The following LAP3 variants were observed in gnomAD, a reference collection of about 807,000 sequenced individuals.
LAP3 encodes leucine aminopeptidase 3.
LAP3 carries 46 observed loss-of-function variants against 58.8 expected under a neutral mutation model. The ratio of observed to expected loss-of-function variants is 0.78; its 90% CI spans 0.62 to 1.00. LAP3 has a LOEUF of 1.00. LAP3 is among the 50% of genes least tolerant of loss of function. LAP3 has a pLI of 0.00. For missense variants in LAP3, 615 were observed against 659.1 expected (o/e 0.93, Z 0.73); for synonymous variants, 257 against 237.7 (o/e 1.08, Z -0.75).
chr4:17,581,021 C>A (rs1713348444), intron 2 of LAP3, among the ~76,000 whole-genome samples: 1 of 152,194 alleles, frequency 6.6e-6, no homozygotes, highest in African/African-American at 2.4e-5. Context: ...TTGATTAATT[C>A]ATTAATCCAA....
At chr4:17,604,096 A>G (rs1244441395) in intron 10 of LAP3, among the ~76,000 whole-genome samples, 3 of 152,062 alleles carry the variant, frequency 2.0e-5, no homozygotes, top group African/African-American at 7.2e-5. Flanking sequence ...GTGAGCCAGC[A>G]TGCCCGGCCC....
chr4:17,586,338 G>A (rs867203676), intron 6 of LAP3: 40 of 152,200 alleles, frequency 2.6e-4, no homozygotes, highest in African/African-American at 8.2e-4. Context: ...ATTAGAGTTC[G>A]TGTTTTTCAG....
chr4:17,588,715 A>C, intron 6 of LAP3, 104 bp from the exon 7 acceptor site: 1 of 1,086,854 alleles, frequency 9.2e-7, no homozygotes, highest in East Asian at 2.4e-5. Flanking sequence ...GTATACTTTA[A>C]GAGTTTGTAT....
intron 10 of LAP3, among the ~76,000 whole-genome samples, chr4:17,602,434 T>G (rs1021044104): frequency 6.6e-6 from 1 of 152,194 alleles, no homozygotes; most frequent in Non-Finnish European, 1.5e-5. Flanking sequence ...GATTTTTAAG[T>G]TGATTTTTTA....
chr4:17,578,823 T>C (rs1713279063), intron 1 of LAP3, among the ~76,000 whole-genome samples: 1 of 152,172 alleles, frequency 6.6e-6, no homozygotes, highest in Admixed American at 6.5e-5. Flanking sequence ...TTGGTACTTC[T>C]CTTACAGCCT....
intron 1 of LAP3, among the ~76,000 whole-genome samples, chr4:17,579,206 A>T (rs535112431): frequency 3.1e-4 from 47 of 152,204 alleles, no homozygotes; most frequent in Non-Finnish European, 6.0e-4. Flanking sequence ...AATAATGACT[A>T]GGAAATCATA....
At chr4:17,582,055 C>G in intron 3 of LAP3, 1 of 590,284 alleles carries the variant, frequency 1.7e-6, no homozygotes, top group Admixed American at 3.3e-5. Flanking sequence ...GAATTATTTG[C>G]AAGAGTATCC....
rs536356905 is a variant in LAP3, at chr4:17,596,483, G to A, written c.989-563G>A. 3.4e-3 allele frequency among the ~76,000 whole-genome samples: 513 copies of A among 152,234 alleles called. 2 individuals are homozygous for A. The highest frequency in any genetic ancestry group is 5.4e-3 in the Non-Finnish European group (366 of 68,018). ...GCCTCTTGAGTAGCTGGGATTACAG[G>A]CATGCGCCACCATGCCTGGTTAATT... On this transcript the variant is annotated intron_variant, in intron 8 of 12. Transcript: ENST00000226299.
chr4:17,594,658 ATGTTGAAGTAC>A (rs1713784749), intron 7 of LAP3, among the ~76,000 whole-genome samples: 1 of 152,148 alleles, frequency 6.6e-6, no homozygotes, highest in South Asian at 2.1e-4. Context: ...TTCAGTTCTC[ATGTTGAAGTAC>A]TGTCTCTCAG....
At chr4:17,590,608 G>A (rs923785880) in intron 7 of LAP3, among the ~76,000 whole-genome samples, 1 of 152,168 alleles carries the variant, frequency 6.6e-6, no homozygotes, top group Non-Finnish European at 1.5e-5. Flanking sequence ...GTCTAGCTCT[G>A]TTGCCCAGGC....
intron 7 of LAP3, among the ~76,000 whole-genome samples, chr4:17,592,639 C>T (rs1320383242): frequency 6.6e-6 from 1 of 152,174 alleles, no homozygotes; most frequent in Non-Finnish European, 1.5e-5. Context: ...CCAAACTTTT[C>T]CAAAGCGGGT....
chr4:17,597,048 C>A lies in LAP3; in HGVS notation c.991C>A (p.Leu331Met). ...KLNLPINIIG[L>M]APLCENMPSG... ...CCTTCATATATTATTTCCAATAGGT[C>A]TGGCCCCTCTTTGTGAAAATATGCC... The change falls in exon 9 of 13, where the codon CTG becomes ATG. Residue 331 changes from leucine to methionine, a missense_variant and splice_region_variant. Physicochemically the swap from Leu to Met is conservative, Grantham distance 15. Transcript: ENST00000226299. 6.2e-7 allele frequency: 1 copy of A among 1,614,160 alleles called. No homozygotes were observed. Among genetic ancestry groups the A allele is most frequent in the Admixed American group, 1.7e-5 (1 of 60,026 alleles).
At chr4:17,605,112 T>C (rs2109024813) in intron 11 of LAP3, among the ~76,000 whole-genome samples, 1 of 126,054 alleles carries the variant, frequency 7.9e-6, no homozygotes, top group South Asian at 2.5e-4. Context: ...GCAGTCACCC[T>C]CACTTCCACA....
chr4:17,577,963 T>G (rs1713254844), intron 1 of LAP3, among the ~76,000 whole-genome samples: 1 of 152,188 alleles, frequency 6.6e-6, no homozygotes, highest in Non-Finnish European at 1.5e-5. Flanking sequence ...GTCACAGGGC[T>G]CCTTCCCCCG....
At position 17,577,238 on chromosome 4, in the gene LAP3, A is replaced by ATGCGGGCGCACACGAC. The variant is rs1560339592; in HGVS notation, c.-217_-216insACGACTGCGGGCGCAC. 8 of 365,362 alleles carry ATGCGGGCGCACACGAC rather than the reference A, an allele frequency of 2.2e-5. No homozygotes were observed. Among genetic ancestry groups the ATGCGGGCGCACACGAC allele is most frequent in the South Asian group, 6.9e-5 (1 of 14,452 alleles). 22.6% of individuals were successfully genotyped at this position (365,362 alleles called of 1,614,324 possible). A position where few individuals can be genotyped will look rare whatever the true frequency, so the allele number is the denominator to read the frequency against. On this transcript the variant is annotated 5_prime_UTR_variant, in exon 1 of 13. An upstream open reading frame in the 5' UTR gains an earlier in-frame stop. Coordinates refer to ENST00000226299, the MANE Select transcript of LAP3 (RefSeq NM_015907.3). Reference sequence around the variant, plus strand: ...CGCACACGAATGCGGGCGCACACGAATGCGGGCGCACCCTTGAGTCCCCTC... The same window carrying ATGCGGGCGCACACGAC: ...CGCACACGAATGCGGGCGCACACGAATGCGGGCGCACACGACTGCGGGCGCACCCTTGAGTCCCCTC...
intron 10 of LAP3, among the ~76,000 whole-genome samples, chr4:17,603,632 C>T (rs1293977876): frequency 2.0e-5 from 3 of 151,702 alleles, no homozygotes; most frequent in African/African-American, 7.3e-5. Context: ...TCTCCTGCCT[C>T]AGCCTCCTGA....
chr4:17,599,222 G>C (rs554235533), intron 10 of LAP3, among the ~76,000 whole-genome samples: 1 of 152,268 alleles, frequency 6.6e-6, no homozygotes, highest in South Asian at 2.1e-4. Context: ...CGCCAGATCA[G>C]CTCATCTAGA....
At chr4:17,603,835 T>C (rs200948736) in intron 10 of LAP3, among the ~76,000 whole-genome samples, 2 of 24,152 alleles carry the variant, frequency 8.3e-5, no homozygotes, top group Non-Finnish European at 2.3e-4. Flanking sequence ...TCTTTCTTTC[T>C]TTTTTTTTTG....
chr4:17,607,809 CTATAAATGATTAAAAT>C lies in LAP3; in HGVS notation c.*222_*237del, dbSNP rs1197657748. On this transcript the variant is annotated 3_prime_UTR_variant, in exon 13 of 13. Transcript: ENST00000226299. ...ACTTGATAAGGATTTTTAAGATACT[CTATAAATGATTAAAAT>C]TTTTAGAACTTCCTAATCACTTTTC... is the stretch of plus-strand genomic sequence containing the variant. The C allele has an allele frequency of 1.6e-5, 6 of 383,722 alleles. No individual in the cohort carries two copies. The highest frequency in any genetic ancestry group is 1.2e-4 in the African/African-American group (6 of 48,326). 23.8% of individuals were successfully genotyped at this position (383,722 alleles called of 1,614,324 possible). A position where few individuals can be genotyped will look rare whatever the true frequency, so the allele number is the denominator to read the frequency against.
Sources: allele counts gnomAD v4.1 joint callset (sites outside exome capture counted in the v4.1 genomes callset), GRCh38; gene constraint gnomAD v4.1.1; transcripts MANE v1.5; gene names NCBI Gene and HGNC (gene_info 2026-07-23, HGNC 2026-07-21).